LIPC: variants seen among roughly 807,000 people sequenced by gnomAD.
LIPC encodes lipase C, hepatic type.
Under a neutral mutation model 50.7 loss-of-function variants are expected in LIPC, and 44 were observed. The ratio of observed to expected loss-of-function variants is 0.87; its 90% CI spans 0.68 to 1.11. The LOEUF is 1.11. Ranked by LOEUF, LIPC falls within the 50% of genes most tolerant of loss-of-function variation. LIPC has a pLI of 0.00. For missense variants in LIPC, 697 were observed against 648.2 expected (o/e 1.08, Z -0.82); for synonymous variants, 271 against 256.4 (o/e 1.06, Z -0.54).
intron 6 of LIPC, among the ~76,000 whole-genome samples, chr15:58,550,763 G>T (rs1893720711): frequency 6.6e-6 from 1 of 150,616 alleles, no homozygotes. Context: ...AAAGCCCCAG[G>T]CTGGAGGGAG....
chr15:58,542,052 A>T (rs912640839), intron 3 of LIPC, 85 bp downstream of exon 3: 3 of 1,429,654 alleles, frequency 2.1e-6, no homozygotes, highest in Non-Finnish European at 1.9e-6. Flanking sequence ...GGTCTCCAAC[A>T]GCAGCCCAGG....
intron 1 of LIPC, among the ~76,000 whole-genome samples, chr15:58,516,842 A>G (rs1892502186): frequency 6.6e-6 from 1 of 152,174 alleles, no homozygotes; most frequent in African/African-American, 2.4e-5. Flanking sequence ...TCTCTTCATT[A>G]TGGGTTGTAT....
At chr15:58,535,268 G>A (rs1393013815) in intron 1 of LIPC, among the ~76,000 whole-genome samples, 3 of 152,234 alleles carry the variant, frequency 2.0e-5, no homozygotes, top group African/African-American at 7.2e-5. Flanking sequence ...GCCACATGCT[G>A]TCTTTGCCTC....
intron 1 of LIPC, among the ~76,000 whole-genome samples, chr15:58,501,840 G>A (rs912803516): frequency 6.6e-6 from 1 of 152,086 alleles, no homozygotes; most frequent in Non-Finnish European, 1.5e-5. Context: ...ATGCTATCTT[G>A]GAGCCTCTGC....
At chr15:58,507,577 T>G (rs1892192850) in intron 1 of LIPC, among the ~76,000 whole-genome samples, 2 of 152,234 alleles carry the variant, frequency 1.3e-5, no homozygotes, top group South Asian at 4.1e-4. Flanking sequence ...AAGTGGTCCC[T>G]CTTATAATAA....
intron 2 of LIPC, 109 bp downstream of exon 2, chr15:58,538,626 TGCATAATGTTTATGAA>T: frequency 9.4e-7 from 1 of 1,062,916 alleles, no homozygotes; most frequent in East Asian, 2.4e-5. Flanking sequence ...AACAACTCCA[TGCATAATGTTTATGAA>T]GCACGTTCTA....
At chr15:58,434,627 T>G (rs1290777330) in intron 1 of LIPC, among the ~76,000 whole-genome samples, 1 of 152,182 alleles carries the variant, frequency 6.6e-6, no homozygotes, top group Non-Finnish European at 1.5e-5. Context: ...GAGAGGGAGA[T>G]TTAGACAGTT....
chr15:58,467,826 A>C (rs1411274045), intron 1 of LIPC, among the ~76,000 whole-genome samples: 1 of 152,182 alleles, frequency 6.6e-6, no homozygotes, highest in Non-Finnish European at 1.5e-5. Context: ...GAAAAACCAC[A>C]GCTAAAAGTT....
Position 58,569,651 on chromosome 15 carries a change from A to C in LIPC, c.*824A>C, listed in dbSNP as rs1313077176. On this transcript the variant is annotated 3_prime_UTR_variant, in exon 9 of 9. Transcript: ENST00000299022. ...ATCAGGTCATGAGGGTGGAGCCCTC[A>C]TAAGTGGGATTAGTGCCCTTATAGG... 1 of 152,202 alleles carries C rather than the reference A, an allele frequency of 6.6e-6. No individual in the cohort carries two copies. Among genetic ancestry groups the C allele is most frequent in the Non-Finnish European group, 1.5e-5 (1 of 68,066 alleles). 9.4% of individuals were successfully genotyped at this position (152,202 alleles called of 1,614,324 possible). A position where few individuals can be genotyped will look rare whatever the true frequency, so the allele number is the denominator to read the frequency against.
intron 4 of LIPC, among the ~76,000 whole-genome samples, chr15:58,544,635 A>G (rs768009274): frequency 2.0e-5 from 3 of 152,014 alleles, no homozygotes; most frequent in Non-Finnish European, 4.4e-5. Context: ...ACCTCAGGTG[A>G]TCTGCCAGAC....
chr15:58,492,536 G>C (rs1219699056), intron 1 of LIPC, among the ~76,000 whole-genome samples: 1 of 152,092 alleles, frequency 6.6e-6, no homozygotes, highest in African/African-American at 2.4e-5. Context: ...AATCCAAAGA[G>C]GCCAAGTTAC....
intron 1 of LIPC, among the ~76,000 whole-genome samples, chr15:58,508,493 T>A (rs2140852426): frequency 6.6e-6 from 1 of 152,282 alleles, no homozygotes; most frequent in African/African-American, 2.4e-5. Context: ...CCCACATACT[T>A]TGATAAAATA....
At position 58,538,644 on chromosome 15, in the gene LIPC, C is replaced by A. The variant is rs1372715292; in HGVS notation, c.273+127C>A. ...AACTCCATGCATAATGTTTATGAAG[C>A]ACGTTCTAATTTTCCAAGTGCTTCC... On this transcript the variant is annotated intron_variant, in intron 2 of 8. Transcript: ENST00000299022. The A allele has an allele frequency of 4.3e-6, 4 of 932,350 alleles. No individual in the cohort carries two copies. In the African/African-American group the frequency reaches 4.9e-5, roughly 11 times the overall value. 57.8% of individuals were successfully genotyped at this position (932,350 alleles called of 1,614,324 possible). A position where few individuals can be genotyped will look rare whatever the true frequency, so the allele number is the denominator to read the frequency against.
At chr15:58,488,216 G>A (rs1200018231) in intron 1 of LIPC, among the ~76,000 whole-genome samples, 1 of 152,204 alleles carries the variant, frequency 6.6e-6, no homozygotes, top group East Asian at 1.9e-4. Flanking sequence ...GGTGGCATGA[G>A]CCAAGATCAT....
At chr15:58,469,102 TTGTGTGTGTGTGTGTGTGTGTGTG>T (rs56309142) in intron 1 of LIPC, among the ~76,000 whole-genome samples, 3 of 140,718 alleles carry the variant, frequency 2.1e-5, no homozygotes, top group Admixed American at 7.2e-5. Context: ...AGGGAACATT[TTGTGTGTGTGTGTGTGTGTGTGTG>T]TGTGTGTGTG....
At chr15:58,566,556 C>G (rs115278822) in intron 8 of LIPC, 1 of 638,044 alleles carries the variant, frequency 1.6e-6, no homozygotes, top group Non-Finnish European at 2.0e-6. Flanking sequence ...CTCGTAATAT[C>G]GCTGCTAAGT....
intron 1 of LIPC, among the ~76,000 whole-genome samples, chr15:58,515,780 A>G (rs1199620343): frequency 3.9e-5 from 6 of 152,016 alleles, no homozygotes; most frequent in African/African-American, 1.5e-4. Flanking sequence ...AGGGTAGGAG[A>G]AATGTAGGGG....
At chr15:58,543,787 T>A (rs1333665093) in intron 4 of LIPC, among the ~76,000 whole-genome samples, 1 of 151,838 alleles carries the variant, frequency 6.6e-6, no homozygotes, top group Non-Finnish European at 1.5e-5. Flanking sequence ...ACCCAGCTAA[T>A]TTTTTTGTAT....
intron 1 of LIPC, among the ~76,000 whole-genome samples, chr15:58,493,166 A>C (rs534477730): frequency 3.6e-4 from 55 of 152,286 alleles, no homozygotes; most frequent in African/African-American, 1.2e-3. Context: ...TACCCTCATC[A>C]GTGATGACTC....
Sources: gnomAD v4.1 joint callset for allele counts (sites outside exome capture counted in the v4.1 genomes callset) on GRCh38, gnomAD v4.1.1 for gene constraint, MANE v1.5 for transcripts, NCBI Gene and HGNC (gene_info 2026-07-23, HGNC 2026-07-21) for gene names.